Variants in PSD3 observed in about 807,000 individuals in gnomAD.
The protein encoded by PSD3 is PH and SEC7 domain-containing protein 3.
A neutral mutation model predicts 105.5 loss-of-function variants in PSD3; 49 were observed. The ratio of observed to expected loss-of-function variants is 0.46; its 90% CI spans 0.37 to 0.59. The LOEUF (loss-of-function observed/expected upper bound fraction) is 0.59. Among genes scored for constraint, PSD3 ranks in the 20% least tolerant of loss-of-function variants. The pLI is 0.00. For missense variants in PSD3, 1,561 were observed against 1,263.8 expected (o/e 1.24, Z -3.57); for synonymous variants, 557 against 457.8 (o/e 1.22, Z -2.77).
chr8:18,920,106 C>T (rs1336220587), intron 2 of PSD3, among the ~76,000 whole-genome samples: 1 of 150,544 alleles, frequency 6.6e-6, no homozygotes, highest in African/African-American at 2.4e-5. Flanking sequence ...ATTTCTAGGG[C>T]AGGTTCACAA....
intron 9 of PSD3, among the ~76,000 whole-genome samples, chr8:18,690,154 T>C (rs1800893731): frequency 6.6e-6 from 1 of 152,142 alleles, no homozygotes; most frequent in Admixed American, 6.5e-5. Flanking sequence ...CAGCTACTCA[T>C]AAGAACTACG....
At chr8:18,773,131 C>G (rs572127260) in intron 8 of PSD3, among the ~76,000 whole-genome samples, 1 of 152,206 alleles carries the variant, frequency 6.6e-6, no homozygotes, top group African/African-American at 2.4e-5. Context: ...TGTTTTTTCT[C>G]AGGATTTTAT....
intron 10 of PSD3, 121 bp from the exon 11 acceptor site, chr8:18,632,927 C>T (rs1169304843): frequency 5.4e-6 from 4 of 742,532 alleles, no homozygotes; most frequent in African/African-American, 5.3e-5. Flanking sequence ...ATAACCACCA[C>T]CATGATAATG....
chr8:18,574,598 G>A (rs7825137), intron 13 of PSD3, among the ~76,000 whole-genome samples: 13,081 of 152,074 alleles, frequency 0.086, 797 homozygotes, highest in African/African-American at 0.17. Flanking sequence ...TGGACTACTA[G>A]AGCTCAGAAG....
chr8:18,709,556 C>A (rs555427880), intron 9 of PSD3, among the ~76,000 whole-genome samples: 5 of 152,358 alleles, frequency 3.3e-5, no homozygotes, highest in African/African-American at 1.2e-4. Context: ...AACCTCCCAA[C>A]AGAAGTCATC....
At chr8:18,799,389 G>T in intron 7 of PSD3, 36 bp from the exon 8 acceptor site, 7 of 1,509,982 alleles carry the variant, frequency 4.6e-6, no homozygotes, top group Non-Finnish European at 6.4e-6. Context: ...GCATGAATTC[G>T]CTTTTCACTG....
At chr8:18,866,550 G>A (rs373814258) in intron 4 of PSD3, among the ~76,000 whole-genome samples, 1 of 152,180 alleles carries the variant, frequency 6.6e-6, no homozygotes, top group East Asian at 1.9e-4. Context: ...CCAAAGTCTT[G>A]TGGTTTTGAC....
At chr8:18,964,434 C>A (rs1011280380) in intron 1 of PSD3, among the ~76,000 whole-genome samples, 1 of 151,670 alleles carries the variant, frequency 6.6e-6, no homozygotes, top group African/African-American at 2.4e-5. Context: ...ATTAATAACT[C>A]TTGTTACACA....
At position 18,871,998 on chromosome 8, in the gene PSD3, G is replaced by A. The variant is rs199779736; in HGVS notation, c.866C>T (p.Ser289Phe). 415 of 1,614,098 alleles carry A rather than the reference G, an allele frequency of 2.6e-4. 6 individuals are homozygous for A. In the East Asian group the frequency reaches 7.1e-3, roughly 27 times the overall value. ...TTTGACCCGGCCTGGGCGTCCCATG[G>A]AGCTGCTTCGATCACATCCCCCTGG... is the stretch of plus-strand genomic sequence containing the variant. ...EHPGGCDRSS[S>F]MGRPGRVKHV... The change falls in exon 3 of 16, where the codon TCC becomes TTC. Residue 289 changes from serine to phenylalanine, a missense_variant. Coordinates refer to ENST00000327040, the MANE Select transcript of PSD3 (RefSeq NM_015310.4).
chr8:18,926,636 G>A (rs1422511997), intron 2 of PSD3, among the ~76,000 whole-genome samples: 1 of 152,094 alleles, frequency 6.6e-6, no homozygotes, highest in African/African-American at 2.4e-5. Flanking sequence ...AACAAGTGTT[G>A]GCAAGAGTGT....
chr8:18,749,513 T>C (rs1392751450), intron 9 of PSD3, among the ~76,000 whole-genome samples: 1 of 152,240 alleles, frequency 6.6e-6, no homozygotes, highest in Non-Finnish European at 1.5e-5. Context: ...AATGTTCATC[T>C]AGCCACTGCT....
intron 4 of PSD3, among the ~76,000 whole-genome samples, chr8:18,826,884 G>A (rs1468619754): frequency 6.6e-6 from 1 of 152,124 alleles, no homozygotes; most frequent in African/African-American, 2.4e-5. Context: ...ATTAGTACCA[G>A]CTCATACCAA....
chr8:18,963,590 G>T (rs1302744167), intron 1 of PSD3, among the ~76,000 whole-genome samples: 1 of 152,128 alleles, frequency 6.6e-6, no homozygotes, highest in Non-Finnish European at 1.5e-5. Context: ...TTAAAAATTA[G>T]AATCACTGAT....
At chr8:19,052,604 C>A (rs1828569832) in intron 1 of PSD3, among the ~76,000 whole-genome samples, 2 of 152,140 alleles carry the variant, frequency 1.3e-5, no homozygotes, top group African/African-American at 4.8e-5. Context: ...ATTACCTAAA[C>A]TCAGATCTTG....
At chr8:18,836,849 CG>C (rs1814150069) in intron 4 of PSD3, among the ~76,000 whole-genome samples, 1 of 152,020 alleles carries the variant, frequency 6.6e-6, no homozygotes, top group Admixed American at 6.5e-5. Flanking sequence ...TCCCCTGACC[CG>C]CCCAATATTT....
At chr8:18,822,439 C>T (rs183287245) in intron 4 of PSD3, among the ~76,000 whole-genome samples, 1,624 of 152,238 alleles carry the variant, frequency 0.011, 14 homozygotes, top group Middle Eastern at 0.034. Context: ...TCACCACCCC[C>T]TAAGCTGGAC....
chr8:18,654,215 G>A (rs1563146216), intron 10 of PSD3, among the ~76,000 whole-genome samples: 1 of 152,170 alleles, frequency 6.6e-6, no homozygotes, highest in Non-Finnish European at 1.5e-5. Flanking sequence ...ACTCTACAGT[G>A]AGTAGACGCA....
At position 18,765,517 on chromosome 8, in the gene PSD3, A is replaced by G. The variant is rs561227875; in HGVS notation, c.2104T>C (p.Cys702Arg). The change falls in exon 9 of 16, where the codon TGT becomes CGT. Residue 702 changes from cysteine to arginine, a missense_variant. Coordinates refer to ENST00000327040, the MANE Select transcript of PSD3 (RefSeq NM_015310.4). Reference sequence around the variant, plus strand: ...TGCAGATTTGCAATGAACTCCTGACAGGTCATCTTCTTTCCAATATTCTGA... The same window carrying G: ...TGCAGATTTGCAATGAACTCCTGACGGGTCATCTTCTTTCCAATATTCTGA... ...HGHNIGKKMT[C>R]QEFIANLQGV... The G allele has an allele frequency of 1.2e-6, 2 of 1,611,156 alleles. No individual in the cohort carries two copies. Among genetic ancestry groups the G allele is most frequent in the Admixed American group, 1.7e-5 (1 of 60,024 alleles).
chr8:18,859,850 A>G (rs369760954), intron 4 of PSD3, among the ~76,000 whole-genome samples: 195 of 152,352 alleles, frequency 1.3e-3, no homozygotes, highest in African/African-American at 4.4e-3. Flanking sequence ...CCAGACCATT[A>G]AAACTTTCTC....
Sources: allele counts gnomAD v4.1 joint callset (sites outside exome capture counted in the v4.1 genomes callset), GRCh38; gene constraint gnomAD v4.1.1; transcripts MANE v1.5; gene names NCBI Gene and HGNC (gene_info 2026-07-23, HGNC 2026-07-21).